The following OXR1 variants were observed in gnomAD, a reference collection of about 807,000 sequenced individuals.
OXR1 encodes oxidation resistance 1, also known as oxidation resistance protein 1.
OXR1 carries 41 observed loss-of-function variants against 104.6 expected under a neutral mutation model. That is an observed-to-expected ratio of 0.39 (90% CI 0.31 to 0.51). The LOEUF (loss-of-function observed/expected upper bound fraction) is 0.51. OXR1 is among the 20% of genes least tolerant of loss of function. OXR1 has a pLI of 0.77. For synonymous variants in OXR1, 348 were observed against 348.4 expected (o/e 1.00, Z 0.01); for missense variants, 955 against 1,031.9 (o/e 0.93, Z 1.02).
chr8:106,468,734 G>A (rs28512490), intron 2 of OXR1, among the ~76,000 whole-genome samples: 27,265 of 151,664 alleles, frequency 0.18, 2,822 homozygotes, highest in East Asian at 0.36. Flanking sequence ...CTTGGATTGT[G>A]GAACGGATTG....
intron 15 of OXR1, among the ~76,000 whole-genome samples, chr8:106,745,276 T>C (rs1420333408): frequency 6.6e-6 from 1 of 152,244 alleles, no homozygotes; most frequent in Non-Finnish European, 1.5e-5. Context: ...TTTTAAGTTC[T>C]CACTGTTTAA....
At chr8:106,418,685 C>G (rs1168578469) in intron 2 of OXR1, among the ~76,000 whole-genome samples, 6 of 151,908 alleles carry the variant, frequency 3.9e-5, no homozygotes. Context: ...CACAAGACAA[C>G]TGAAAAAAAA....
intron 1 of OXR1, among the ~76,000 whole-genome samples, chr8:106,335,536 A>T (rs574510237): frequency 6.6e-6 from 1 of 152,194 alleles, no homozygotes; most frequent in South Asian, 2.1e-4. Flanking sequence ...AGGACATGGC[A>T]TCTTGAATCT....
intron 3 of OXR1, among the ~76,000 whole-genome samples, chr8:106,578,230 C>A (rs995104634): frequency 6.6e-6 from 1 of 152,178 alleles, no homozygotes; most frequent in Admixed American, 6.5e-5. Flanking sequence ...ATAATTCCAA[C>A]TATTTCCCTT....
chr8:106,329,774 G>GGTTT (rs1295024102), intron 1 of OXR1, among the ~76,000 whole-genome samples: 1 of 152,154 alleles, frequency 6.6e-6, no homozygotes, highest in East Asian at 1.9e-4. Context: ...CCTATGAGCA[G>GGTTT]GTTGCATAGG....
chr8:106,377,111 A>G (rs1816938312), intron 2 of OXR1, among the ~76,000 whole-genome samples: 1 of 152,214 alleles, frequency 6.6e-6, no homozygotes, highest in African/African-American at 2.4e-5. Flanking sequence ...CTACAGTCAA[A>G]TTATTTTGGA....
At chr8:106,700,550 A>G (rs1830495181) in intron 7 of OXR1, among the ~76,000 whole-genome samples, 2 of 152,206 alleles carry the variant, frequency 1.3e-5, no homozygotes, top group Non-Finnish European at 2.9e-5. Flanking sequence ...ACATTAGCAG[A>G]TTGATCAGTC....
chr8:106,356,299 G>A (rs977680692), intron 1 of OXR1, among the ~76,000 whole-genome samples: 1 of 152,110 alleles, frequency 6.6e-6, no homozygotes, highest in East Asian at 1.9e-4. Context: ...GGCAGAGAAT[G>A]GATTTACAAT....
intron 2 of OXR1, among the ~76,000 whole-genome samples, chr8:106,370,276 T>C (rs1351577446): frequency 5.9e-5 from 9 of 152,234 alleles, no homozygotes; most frequent in Non-Finnish European, 1.2e-4. Flanking sequence ...TGAAGTTGCT[T>C]ATCAGTTCAA....
Position 106,698,473 on chromosome 8 carries a change from AT to A in OXR1, c.676-4427del, listed in dbSNP as rs1186024362. Among the ~76,000 whole-genome samples, 2 of 152,012 alleles carry A rather than the reference AT, an allele frequency of 1.3e-5. 1 individual carries two copies. The highest frequency in any genetic ancestry group is 2.9e-5 in the Non-Finnish European group (2 of 68,000). On this transcript the variant is annotated intron_variant, in intron 7 of 16. Transcript: ENST00000517566. ...AATATTTGACCAGATTTCTTCCAATATTTTTTGCCTCCCATCCTCTCTTTCC... is the reference window on the plus strand; with the variant it reads ...AATATTTGACCAGATTTCTTCCAATATTTTTGCCTCCCATCCTCTCTTTCC...
intron 1 of OXR1, among the ~76,000 whole-genome samples, chr8:106,352,915 T>G (rs888553496): frequency 6.6e-6 from 1 of 152,222 alleles, no homozygotes; most frequent in Non-Finnish European, 1.5e-5. Context: ...TATTAAGAAT[T>G]AATAACAAGA....
intron 2 of OXR1, among the ~76,000 whole-genome samples, chr8:106,405,180 A>G (rs1563757956): frequency 0.045 from 1,090 of 24,442 alleles, 52 homozygotes; most frequent in African/African-American, 0.13. Context: ...ATATATATAT[A>G]TATATATATA....
intron 3 of OXR1, among the ~76,000 whole-genome samples, chr8:106,560,507 T>C (rs568489161): frequency 6.6e-6 from 1 of 152,288 alleles, no homozygotes; most frequent in Non-Finnish European, 1.5e-5. Context: ...CCTTGACAGA[T>C]AACTGGTTCA....
chr8:106,567,775 A>T (rs1463466893), intron 3 of OXR1, among the ~76,000 whole-genome samples: 2 of 152,198 alleles, frequency 1.3e-5, no homozygotes, highest in Non-Finnish European at 2.9e-5. Context: ...AATTTTCTGC[A>T]GCTCTCCATT....
intron 2 of OXR1, among the ~76,000 whole-genome samples, chr8:106,495,074 G>A (rs1811328489): frequency 6.6e-6 from 1 of 151,976 alleles, no homozygotes; most frequent in Non-Finnish European, 1.5e-5. Context: ...AGTAATATTT[G>A]TGATTCAGTA....
At chr8:106,332,662 T>C (rs1814772000) in intron 1 of OXR1, among the ~76,000 whole-genome samples, 1 of 152,186 alleles carries the variant, frequency 6.6e-6, no homozygotes, top group Admixed American at 6.5e-5. Flanking sequence ...TACAACTTTA[T>C]ACAACTTAGT....
At chr8:106,727,748 A>T (rs1476761557) in intron 11 of OXR1, among the ~76,000 whole-genome samples, 1 of 152,196 alleles carries the variant, frequency 6.6e-6, no homozygotes, top group African/African-American at 2.4e-5. Flanking sequence ...GGGAGGCTAT[A>T]TAATTTTGTC....
At chr8:106,693,883 CAT>C (rs529083769) in intron 7 of OXR1, among the ~76,000 whole-genome samples, 14 of 152,110 alleles carry the variant, frequency 9.2e-5, no homozygotes, top group South Asian at 2.1e-4. Flanking sequence ...AGAATTCACA[CAT>C]GAGAACTATT....
chr8:106,607,181 T>C (rs1820465987), intron 3 of OXR1, among the ~76,000 whole-genome samples: 1 of 152,196 alleles, frequency 6.6e-6, no homozygotes, highest in Admixed American at 6.5e-5. Flanking sequence ...TATCAACTTA[T>C]TTACATGTAG....
Sources: allele counts gnomAD v4.1 joint callset (sites outside exome capture counted in the v4.1 genomes callset), GRCh38; gene constraint gnomAD v4.1.1; transcripts MANE v1.5; gene names NCBI Gene and HGNC (gene_info 2026-07-23, HGNC 2026-07-21).